SLC8A1: variants seen among roughly 807,000 people sequenced by gnomAD.
SLC8A1 encodes sodium/calcium exchanger 1.
Under a neutral mutation model 68.3 loss-of-function variants are expected in SLC8A1, and 18 were observed. The ratio of observed to expected loss-of-function variants is 0.26; its 90% CI spans 0.18 to 0.39. The LOEUF is 0.39. Ranked by LOEUF, SLC8A1 falls within the 10% of genes least tolerant of loss-of-function variation. The pLI is 1.00. For synonymous variants in SLC8A1, 475 were observed against 415.5 expected, an observed-to-expected ratio of 1.14 and a Z score of -1.74; for missense variants, 985 against 1,156.7, an observed-to-expected ratio of 0.85 and a Z score of 2.15.
intron 7 of SLC8A1, among the ~76,000 whole-genome samples, chr2:40,131,253 C>A (rs1004229481): frequency 6.6e-6 from 1 of 152,186 alleles, no homozygotes; most frequent in African/African-American, 2.4e-5. Context: ...CTACCTGCCT[C>A]TCTAAAGCTC....
intron 6 of SLC8A1, among the ~76,000 whole-genome samples, chr2:40,147,134 C>T (rs529673412): frequency 3.3e-5 from 5 of 152,162 alleles, no homozygotes; most frequent in Non-Finnish European, 7.4e-5. Flanking sequence ...AAATGAAAAA[C>T]GGATTCACTA....
intron 1 of SLC8A1, among the ~76,000 whole-genome samples, chr2:40,472,801 T>C (rs1704067951): frequency 6.6e-6 from 1 of 152,190 alleles, no homozygotes; most frequent in South Asian, 2.1e-4. Context: ...TACGGATTAC[T>C]AGATTTGTGA....
chr2:40,302,201 T>A (rs2071621365), intron 2 of SLC8A1, among the ~76,000 whole-genome samples: 2 of 151,838 alleles, frequency 1.3e-5, no homozygotes, highest in Admixed American at 6.6e-5. Context: ...CCAGCCCCAA[T>A]TTGTAGTCTT....
At chr2:40,377,284 G>T (rs1680202636) in intron 2 of SLC8A1, among the ~76,000 whole-genome samples, 1 of 151,888 alleles carries the variant, frequency 6.6e-6, no homozygotes, top group Non-Finnish European at 1.5e-5. Context: ...AGTGAATTTT[G>T]CCAAAAACCA....
chr2:40,248,376 A>G (rs1416563161), intron 2 of SLC8A1, among the ~76,000 whole-genome samples: 1 of 152,132 alleles, frequency 6.6e-6, no homozygotes, highest in Non-Finnish European at 1.5e-5. Flanking sequence ...CACTCTTAAG[A>G]GTGAGGTTAG....
intron 2 of SLC8A1, among the ~76,000 whole-genome samples, chr2:40,331,516 A>C (rs935301833): frequency 4.6e-5 from 7 of 152,236 alleles, no homozygotes; most frequent in African/African-American, 1.7e-4. Context: ...AGTTAACTGC[A>C]TAAAATAGGA....
upstream of SLC8A1, among the ~76,000 whole-genome samples, chr2:40,454,276 G>A (rs1004382174): frequency 6.6e-6 from 1 of 152,132 alleles, no homozygotes; most frequent in Non-Finnish European, 1.5e-5. Flanking sequence ...AAGGAACCAA[G>A]AGAAAGCTAA....
chr2:40,117,393 A>AC, intron 7 of SLC8A1, among the ~76,000 whole-genome samples: 1 of 9,470 alleles, frequency 1.1e-4, no homozygotes, highest in African/African-American at 1.7e-4. Context: ...CTAAAAATAC[A>AC]AAAAAAAAAA....
chr2:40,219,953 C>T (rs1487219033), intron 2 of SLC8A1, among the ~76,000 whole-genome samples: 1 of 141,728 alleles, frequency 7.1e-6, no homozygotes, highest in Non-Finnish European at 1.5e-5. Context: ...CAAAATTTGA[C>T]TAAAATTGTG....
At chr2:40,395,764 T>C (rs1179979462) in intron 2 of SLC8A1, among the ~76,000 whole-genome samples, 1 of 152,084 alleles carries the variant, frequency 6.6e-6, no homozygotes, top group Non-Finnish European at 1.5e-5. Context: ...GATAGGGATA[T>C]AGAGTCAGAG....
intron 1 of SLC8A1, among the ~76,000 whole-genome samples, chr2:40,458,692 G>C (rs1033829455): frequency 1.3e-5 from 2 of 152,024 alleles, no homozygotes; most frequent in African/African-American, 4.8e-5. Flanking sequence ...CAATCTGACC[G>C]AGCCTCAGGC....
At chr2:40,477,562 C>A (rs1384157787) in intron 1 of SLC8A1, among the ~76,000 whole-genome samples, 11 of 152,208 alleles carry the variant, frequency 7.2e-5, no homozygotes, top group African/African-American at 2.4e-4. Context: ...GGAAGGAAGA[C>A]AATCAGAGGT....
exon 8 of SLC8A1, chr2:40,099,952 C>G (rs2033799222): frequency 6.6e-6 from 1 of 152,064 alleles, no homozygotes; most frequent in Non-Finnish European, 1.5e-5. Context: ...TTTCTTTGCC[C>G]TTGTCCAGGA....
intron 2 of SLC8A1, among the ~76,000 whole-genome samples, chr2:40,298,408 A>G (rs1280228103): frequency 6.6e-6 from 1 of 152,214 alleles, no homozygotes; most frequent in East Asian, 1.9e-4. Context: ...TGTTTTCAAC[A>G]GATTAAATGT....
intron 7 of SLC8A1, among the ~76,000 whole-genome samples, 177 bp from the exon 11 acceptor site, chr2:40,115,806 T>C (rs895318685): frequency 4.6e-5 from 7 of 152,124 alleles, no homozygotes; most frequent in Non-Finnish European, 8.8e-5. Context: ...AGGATCTAGA[T>C]ATTGGGAGTT....
chr2:40,301,654 C>T (rs186549949), intron 2 of SLC8A1, among the ~76,000 whole-genome samples: 127 of 152,258 alleles, frequency 8.3e-4, no homozygotes, highest in African/African-American at 2.9e-3. Context: ...CGGTGGCTTA[C>T]GCCTATAATC....
At chr2:40,255,690 T>A (rs2063798808) in intron 2 of SLC8A1, among the ~76,000 whole-genome samples, 1 of 152,198 alleles carries the variant, frequency 6.6e-6, no homozygotes, top group Admixed American at 6.5e-5. Flanking sequence ...AAGAGAATAA[T>A]GAAAAGAGTT....
At chr2:40,113,117 GA>G (rs1044168933) in exon 8 of SLC8A1, 1 of 152,190 alleles carries the variant, frequency 6.6e-6, no homozygotes, top group African/African-American at 2.4e-5. Context: ...TTAGTCCCCA[GA>G]AAGTATCATA....
At chr2:40,483,006 G>C (rs1335965617) in intron 1 of SLC8A1, among the ~76,000 whole-genome samples, 1 of 146,656 alleles carries the variant, frequency 6.8e-6, no homozygotes, top group Non-Finnish European at 1.5e-5. Context: ...GGGTTTCACC[G>C]TGTTAGCCAG....
Sources: gnomAD v4.1 joint callset for allele counts (sites outside exome capture counted in the v4.1 genomes callset) on GRCh38, gnomAD v4.1.1 for gene constraint, MANE v1.5 for transcripts, NCBI Gene and HGNC (gene_info 2026-07-23, HGNC 2026-07-21) for gene names.